LDLRAD3: variants seen among roughly 807,000 people sequenced by gnomAD.
LDLRAD3 encodes low-density lipoprotein receptor class A domain-containing protein 3.
A neutral mutation model predicts 29.4 loss-of-function variants in LDLRAD3; 20 were observed. The ratio of observed to expected loss-of-function variants is 0.68; its 90% CI spans 0.48 to 0.99. The LOEUF is 0.99. LDLRAD3 is among the 50% of genes least tolerant of loss of function. LDLRAD3 has a pLI of 0.00. For missense variants in LDLRAD3, 420 were observed against 454.3 expected (o/e 0.92, Z 0.69); for synonymous variants, 157 against 192.7 (o/e 0.81, Z 1.53).
chr11:36,204,440 C>T (rs1237354140), intron 4 of LDLRAD3, among the ~76,000 whole-genome samples: 1 of 152,148 alleles, frequency 6.6e-6, no homozygotes, highest in Non-Finnish European at 1.5e-5. Flanking sequence ...TTAGACAACT[C>T]GTGCTCTTCT....
In LDLRAD3 at chr11:36,227,326, C is replaced by T; in HGVS notation, c.696C>T (p.Thr232=). The part of the protein sequence containing the change: ...VLDHPHHCNV[T]YNVNNGIQYV... ...ACCACCCCCACCACTGCAACGTCACCTACAACGTCAATAATGGCATCCAGT... is the reference window on the plus strand; with the variant it reads ...ACCACCCCCACCACTGCAACGTCACTTACAACGTCAATAATGGCATCCAGT... Residue 232 remains threonine, a synonymous_variant, in exon 5 of 6, where the codon ACC becomes ACT. Transcript: ENST00000315571. 2 of 1,614,216 alleles carry T rather than the reference C, an allele frequency of 1.2e-6. No individual in the cohort carries two copies. The highest frequency in any genetic ancestry group is 2.2e-5 in the South Asian group (2 of 91,076).
chr11:36,119,437 A>G (rs1418632718), intron 4 of LDLRAD3, among the ~76,000 whole-genome samples: 2 of 151,118 alleles, frequency 1.3e-5, no homozygotes, highest in African/African-American at 4.9e-5. Flanking sequence ...CACATTTTAC[A>G]TTCCTACCAG....
At chr11:35,990,974 T>C (rs1282775779) in intron 1 of LDLRAD3, among the ~76,000 whole-genome samples, 1 of 152,232 alleles carries the variant, frequency 6.6e-6, no homozygotes, top group Non-Finnish European at 1.5e-5. Context: ...CACACATAGG[T>C]GGCCTTCAGT....
chr11:35,982,848 C>CTTTTTT (rs61605411), intron 1 of LDLRAD3, among the ~76,000 whole-genome samples: 6 of 88,750 alleles, frequency 6.8e-5, no homozygotes, highest in Non-Finnish European at 9.8e-5. Context: ...CTGTTTGCTG[C>CTTTTTT]TTTTTTTTTT....
intron 2 of LDLRAD3, among the ~76,000 whole-genome samples, chr11:36,073,515 A>AC (rs1852942858): frequency 6.6e-6 from 1 of 152,000 alleles, no homozygotes; most frequent in African/African-American, 2.4e-5. Flanking sequence ...CTTGCCCAGG[A>AC]CCCCCCTTCC....
At position 36,051,002 on chromosome 11, in the gene LDLRAD3, C is replaced by G. The variant is rs571042814; in HGVS notation, c.193+14753C>G. On this transcript the variant is annotated intron_variant, in intron 2 of 5. Transcript: ENST00000315571. ...ACTAATCTCATTAATGAGGGCTCCA[C>G]CCTCATGATCTAACCAGCTCCCAAG... 7.2e-5 allele frequency among the ~76,000 whole-genome samples: 11 copies of G among 152,268 alleles called. No homozygotes were observed. The East Asian group carries it at 2.1e-3, about 29-fold the overall frequency.
chr11:35,959,234 G>C (rs1851245604), intron 1 of LDLRAD3, among the ~76,000 whole-genome samples: 1 of 152,194 alleles, frequency 6.6e-6, no homozygotes, highest in South Asian at 2.1e-4. Flanking sequence ...TGTGTTTGCA[G>C]ACAGTTTATC....
chr11:36,226,869 C>G (rs1484720307), intron 4 of LDLRAD3, among the ~76,000 whole-genome samples: 3 of 152,186 alleles, frequency 2.0e-5, no homozygotes, highest in Non-Finnish European at 4.4e-5. Flanking sequence ...TATTTATTAA[C>G]TTTTTATGGC....
intron 4 of LDLRAD3, among the ~76,000 whole-genome samples, chr11:36,174,778 G>A (rs1189740314): frequency 7.9e-5 from 12 of 152,118 alleles, no homozygotes; most frequent in South Asian, 4.1e-4. Context: ...TCAGGAGATC[G>A]AGACCATCCT....
At chr11:36,217,477 A>G (rs932969081) in intron 4 of LDLRAD3, among the ~76,000 whole-genome samples, 1 of 152,220 alleles carries the variant, frequency 6.6e-6, no homozygotes, top group African/African-American at 2.4e-5. Flanking sequence ...AGCTCTGATA[A>G]TAGCTATTAA....
chr11:35,986,069 G>A (rs1334368456), intron 1 of LDLRAD3, among the ~76,000 whole-genome samples: 1 of 148,624 alleles, frequency 6.7e-6, no homozygotes, highest in Non-Finnish European at 1.5e-5. Flanking sequence ...TGCTGCCGTT[G>A]TTCATGAGAG....
chr11:36,079,869 G>A (rs1449546796), intron 2 of LDLRAD3, among the ~76,000 whole-genome samples: 3 of 152,162 alleles, frequency 2.0e-5, no homozygotes, highest in Non-Finnish European at 4.4e-5. Context: ...GCCACAGTAA[G>A]GAAACTGAAG....
chr11:36,176,249 A>G (rs1854674033), intron 4 of LDLRAD3, among the ~76,000 whole-genome samples: 1 of 152,196 alleles, frequency 6.6e-6, no homozygotes. Flanking sequence ...GTGAATTCTT[A>G]TCCATTCTGA....
At chr11:36,129,559 C>G (rs974501069) in intron 4 of LDLRAD3, among the ~76,000 whole-genome samples, 10 of 152,164 alleles carry the variant, frequency 6.6e-5, no homozygotes, top group African/African-American at 2.4e-4. Context: ...TTTTATAAAT[C>G]GTCCTTTGTG....
chr11:35,973,816 G>C (rs755676986), intron 1 of LDLRAD3, among the ~76,000 whole-genome samples: 5 of 152,070 alleles, frequency 3.3e-5, no homozygotes, highest in African/African-American at 1.2e-4. Flanking sequence ...CTCTAGAGAG[G>C]CTGCACCAGT....
At chr11:36,082,618 C>G (rs1183495325) in intron 3 of LDLRAD3, among the ~76,000 whole-genome samples, 1 of 134,618 alleles carries the variant, frequency 7.4e-6, no homozygotes, top group Non-Finnish European at 1.7e-5. Context: ...TGTGACCACC[C>G]TGATTTGTTT....
intron 1 of LDLRAD3, among the ~76,000 whole-genome samples, chr11:35,991,867 TTGTGTGTGTGTGTG>T (rs33941156): frequency 6.0e-5 from 5 of 82,684 alleles, no homozygotes; most frequent in Non-Finnish European, 9.4e-5. Flanking sequence ...GAATGGTTGT[TTGTGTGTGTGTGTG>T]TGTGTGTGTG....
At chr11:35,959,276 T>G (rs1805367430) in intron 1 of LDLRAD3, among the ~76,000 whole-genome samples, 1 of 152,206 alleles carries the variant, frequency 6.6e-6, no homozygotes, top group Non-Finnish European at 1.5e-5. Flanking sequence ...CTCTGAAACC[T>G]GGCTAGTGAA....
chr11:36,200,189 A>G (rs1449944360), intron 4 of LDLRAD3, among the ~76,000 whole-genome samples: 1 of 152,156 alleles, frequency 6.6e-6, no homozygotes, highest in Non-Finnish European at 1.5e-5. Flanking sequence ...ATTAAAAATT[A>G]AAAAAACAGA....
Sources: gnomAD v4.1 joint callset for allele counts (sites outside exome capture counted in the v4.1 genomes callset) on GRCh38, gnomAD v4.1.1 for gene constraint, MANE v1.5 for transcripts, NCBI Gene and HGNC (gene_info 2026-07-23, HGNC 2026-07-21) for gene names.